RARB: variants seen among roughly 807,000 people sequenced by gnomAD.
The protein encoded by RARB is retinoic acid receptor beta.
RARB carries 17 observed loss-of-function variants against 51.9 expected under a neutral mutation model. The ratio of observed to expected loss-of-function variants is 0.33; its 90% CI spans 0.22 to 0.49. The LOEUF is 0.49. Ranked by LOEUF, RARB falls within the 20% of genes least tolerant of loss-of-function variation. RARB has a pLI of 0.99. For synonymous variants in RARB, 215 were observed against 195.4 expected, an observed-to-expected ratio of 1.10 and a Z score of -0.84; for missense variants, 369 against 550.8, an observed-to-expected ratio of 0.67 and a Z score of 3.30.
intron 2 of RARB, among the ~76,000 whole-genome samples, chr3:25,492,073 G>C (rs1189294744): frequency 6.6e-6 from 1 of 152,204 alleles, no homozygotes; most frequent in Non-Finnish European, 1.5e-5. Flanking sequence ...CCAGAACACA[G>C]CTCTTCACTT....
intron 2 of RARB, among the ~76,000 whole-genome samples, chr3:25,493,718 C>T (rs1388498857): frequency 1.3e-5 from 2 of 152,184 alleles, no homozygotes; most frequent in Non-Finnish European, 2.9e-5. Context: ...CATAGATGTA[C>T]TTTCCACACC....
chr3:25,208,020 A>G (rs1398783781), intron 5 of RARB, among the ~76,000 whole-genome samples: 1 of 148,258 alleles, frequency 6.7e-6, no homozygotes, highest in Non-Finnish European at 1.5e-5. Flanking sequence ...AAGAGAGGGC[A>G]AGGGGGGGAG....
At chr3:25,179,483 G>C (rs999116331) in intron 5 of RARB, among the ~76,000 whole-genome samples, 1 of 152,116 alleles carries the variant, frequency 6.6e-6, no homozygotes, top group Non-Finnish European at 1.5e-5. Flanking sequence ...TATATTGCTG[G>C]TATTTTGTGA....
intron 3 of RARB, among the ~76,000 whole-genome samples, chr3:25,094,975 T>TTTGAC (rs1699268543): frequency 6.6e-6 from 1 of 152,136 alleles, no homozygotes; most frequent in Non-Finnish European, 1.5e-5. Flanking sequence ...AGTTACCTCA[T>TTTGAC]TTGACAAATG....
At chr3:25,333,609 A>C (rs1337957933) in intron 5 of RARB, among the ~76,000 whole-genome samples, 1 of 152,264 alleles carries the variant, frequency 6.6e-6, no homozygotes, top group African/African-American at 2.4e-5. Context: ...TTCAGGACAT[A>C]GGCATGAGCA....
intron 3 of RARB, among the ~76,000 whole-genome samples, chr3:25,554,489 G>A (rs1046162234): frequency 5.3e-5 from 8 of 151,976 alleles, no homozygotes; most frequent in African/African-American, 1.9e-4. Context: ...GCGCTACAAG[G>A]GCAGAGTTGA....
intron 2 of RARB, among the ~76,000 whole-genome samples, chr3:24,957,617 G>T (rs925818347): frequency 6.6e-6 from 1 of 152,222 alleles, no homozygotes; most frequent in Admixed American, 6.5e-5. Flanking sequence ...GATGCTTTGA[G>T]CCTTAAAACT....
chr3:25,594,498 A>C, intron 6 of RARB, 22 bp from the exon 7 acceptor site: 1 of 1,580,068 alleles, frequency 6.3e-7, no homozygotes, highest in African/African-American at 1.4e-5. Flanking sequence ...ATTTTGTTTA[A>C]TACTTTATTC....
chr3:25,146,878 C>T (rs1371268127), intron 4 of RARB, among the ~76,000 whole-genome samples: 1 of 152,158 alleles, frequency 6.6e-6, no homozygotes, highest in Non-Finnish European at 1.5e-5. Context: ...AGCTGTCGTA[C>T]TGCATATGGG....
chr3:25,454,384 C>T (rs1054771292), intron 1 of RARB, among the ~76,000 whole-genome samples: 2 of 152,228 alleles, frequency 1.3e-5, no homozygotes, highest in African/African-American at 2.4e-5. Context: ...TTTGACCAAA[C>T]GCAACTTTGC....
At chr3:25,000,005 CAGG>C (rs1697125666) in intron 2 of RARB, among the ~76,000 whole-genome samples, 2 of 140,540 alleles carry the variant, frequency 1.4e-5, no homozygotes, top group Non-Finnish European at 3.1e-5. Flanking sequence ...GAGATCTGTC[CAGG>C]AGAAGTGGGG....
intron 5 of RARB, among the ~76,000 whole-genome samples, chr3:25,401,761 G>A (rs115784896): frequency 0.013 from 1,969 of 152,182 alleles, 42 homozygotes; most frequent in African/African-American, 0.043. Flanking sequence ...ACAGCAAAAA[G>A]ACATTGAACA....
At chr3:24,958,128 C>G (rs533700177) in intron 2 of RARB, among the ~76,000 whole-genome samples, 2 of 152,110 alleles carry the variant, frequency 1.3e-5, no homozygotes, top group South Asian at 4.1e-4. Flanking sequence ...TCTTGGAGCC[C>G]TAGATCAGCA....
intron 5 of RARB, among the ~76,000 whole-genome samples, chr3:25,290,437 G>T (rs1703758840): frequency 6.6e-6 from 1 of 152,108 alleles, no homozygotes; most frequent in African/African-American, 2.4e-5. Context: ...CCAGAACCAT[G>T]AGAAAATGGA....
At chr3:25,216,611 C>T (rs1262826650) in intron 5 of RARB, among the ~76,000 whole-genome samples, 1 of 151,586 alleles carries the variant, frequency 6.6e-6, no homozygotes, top group Non-Finnish European at 1.5e-5. Context: ...GGGGAAGGAA[C>T]TTAGAGGATG....
intron 5 of RARB, among the ~76,000 whole-genome samples, chr3:25,217,356 G>A (rs983009322): frequency 8.6e-5 from 13 of 152,030 alleles, no homozygotes; most frequent in East Asian, 1.9e-4. Flanking sequence ...TATATGACTC[G>A]TTTCAATCTA....
At chr3:24,891,599 C>G (rs1245702638) in intron 2 of RARB, among the ~76,000 whole-genome samples, 1 of 152,128 alleles carries the variant, frequency 6.6e-6, no homozygotes, top group Non-Finnish European at 1.5e-5. Context: ...ATTCATCTGC[C>G]TTTTCATCAT....
At chr3:24,935,359 C>T (rs1442591977) in intron 2 of RARB, among the ~76,000 whole-genome samples, 1 of 152,066 alleles carries the variant, frequency 6.6e-6, no homozygotes, top group Non-Finnish European at 1.5e-5. Context: ...AAACAGAAAT[C>T]TTTAAAACCC....
intron 5 of RARB, among the ~76,000 whole-genome samples, chr3:25,308,171 A>G (rs1484845795): frequency 1.3e-5 from 2 of 152,194 alleles, no homozygotes; most frequent in Admixed American, 1.3e-4. Context: ...AAATCAACTC[A>G]TCTTAATTTC....
Sources: gnomAD v4.1 joint callset for allele counts (sites outside exome capture counted in the v4.1 genomes callset) on GRCh38, gnomAD v4.1.1 for gene constraint, MANE v1.5 for transcripts, NCBI Gene and HGNC (gene_info 2026-07-23, HGNC 2026-07-21) for gene names.